Variants in NEMP2 observed in about 807,000 individuals in gnomAD.
The protein encoded by NEMP2 is UPF0571 transmembrane protein.
NEMP2 carries 53 observed loss-of-function variants against 54.2 expected under a neutral mutation model. That is an observed-to-expected ratio of 0.98 (90% CI 0.78 to 1.23). The LOEUF (loss-of-function observed/expected upper bound fraction) is 1.23. Among genes scored for constraint, NEMP2 ranks in the 50% most tolerant of loss-of-function variants. The pLI is 0.00. For missense variants in NEMP2, 455 were observed against 511.3 expected (o/e 0.89, Z 1.06); for synonymous variants, 197 against 190.3 (o/e 1.04, Z -0.29).
the NEMP2 span, among the ~76,000 whole-genome samples, chr2:190,430,869 G>A: frequency 1.3e-5 from 2 of 149,000 alleles, no homozygotes; most frequent in Admixed American, 6.7e-5. Context: ...CCTCCCGGAC[G>A]GGGCGGCTGC....
At chr2:190,425,886 G>A in the NEMP2 span, among the ~76,000 whole-genome samples, 11 of 151,984 alleles carry the variant, frequency 7.2e-5, no homozygotes, top group South Asian at 2.3e-3. The surrounding 1 kb of genome is among the most constrained non-coding windows in gnomAD (Gnocchi z 4.3). Flanking sequence ...AAAAAAAATT[G>A]TGCCACTTCC....
chr2:190,448,984 GTA>G, the NEMP2 span, among the ~76,000 whole-genome samples: 2 of 152,284 alleles, frequency 1.3e-5, no homozygotes, highest in South Asian at 4.1e-4. Flanking sequence ...AGTTATAGCT[GTA>G]TATGTTTTAA....
chr2:190,631,629 T>A, the NEMP2 span, among the ~76,000 whole-genome samples: 3 of 152,244 alleles, frequency 2.0e-5, no homozygotes, highest in African/African-American at 7.2e-5. Flanking sequence ...ATAATATAGA[T>A]CAATACTGTA....
At position 190,534,720 on chromosome 2, in the gene NEMP2, A is replaced by G; in HGVS notation, c.-65T>C. The G allele has an allele frequency of 1.7e-6, 2 of 1,166,678 alleles. No homozygotes were observed. Among genetic ancestry groups the G allele is most frequent in the Non-Finnish European group, 2.2e-6 (2 of 924,738 alleles). The allele number at this position is 1,166,678 out of a possible 1,614,324, so 72.3% of individuals were successfully genotyped here. On this transcript the variant is annotated 5_prime_UTR_variant, in exon 1 of 9. Coordinates refer to ENST00000409150, the MANE Select transcript of NEMP2 (RefSeq NM_001142645.2). ...GACCGGCTCCGCTGCGAGGAGCGGA[A>G]GTGGCGCGGGGGCTCAGAGAAGGCG...
chr2:190,477,603 A>G, the NEMP2 span, among the ~76,000 whole-genome samples: 7 of 152,212 alleles, frequency 4.6e-5, no homozygotes, highest in African/African-American at 1.7e-4. Flanking sequence ...TAATTTATTA[A>G]AGATATATTA....
At chr2:190,616,504 T>C in the NEMP2 span, among the ~76,000 whole-genome samples, 2 of 152,262 alleles carry the variant, frequency 1.3e-5, no homozygotes, top group Non-Finnish European at 2.9e-5. This position sits in a 1 kb window ranked among gnomAD's most constrained non-coding sequence, Gnocchi z 5.1. Flanking sequence ...TCAAGTTGTA[T>C]TTGATTAGAA....
chr2:190,641,921 A>C, the NEMP2 span, among the ~76,000 whole-genome samples: 6 of 152,356 alleles, frequency 3.9e-5, no homozygotes, highest in African/African-American at 1.4e-4. Flanking sequence ...TCTCTTAAGA[A>C]AGTCTTTTCA....
the NEMP2 span, among the ~76,000 whole-genome samples, chr2:190,584,911 GAAAGAAAGAAAGAAAGA>G: frequency 4.9e-5 from 2 of 40,996 alleles, no homozygotes; most frequent in Non-Finnish European, 1.3e-4. The surrounding 1 kb of genome is among the most constrained non-coding windows in gnomAD (Gnocchi z 4.2). Flanking sequence ...AAGAAAGAAA[GAAAGAAAGAAAGAAAGA>G]AAGAAAGAAA....
At chr2:190,599,163 A>G in the NEMP2 span, among the ~76,000 whole-genome samples, 10 of 152,246 alleles carry the variant, frequency 6.6e-5, no homozygotes, top group Non-Finnish European at 1.5e-4. Flanking sequence ...TGCAAAAGTT[A>G]TCAGTTTCTC....
At chr2:190,592,669 A>G in the NEMP2 span, among the ~76,000 whole-genome samples, 2 of 152,084 alleles carry the variant, frequency 1.3e-5, no homozygotes, top group Admixed American at 6.6e-5. The surrounding 1 kb of genome is among the most constrained non-coding windows in gnomAD (Gnocchi z 4.4). Flanking sequence ...TATGTTGTGT[A>G]TGTTACCCTC....
chr2:190,527,605 G>T lies in NEMP2; in HGVS notation c.98-2227C>A, dbSNP rs1690985128. 6.6e-6 allele frequency among the ~76,000 whole-genome samples: 1 copy of T among 152,138 alleles called. No homozygotes were observed. The highest frequency in any genetic ancestry group is 2.4e-5 in the African/African-American group (1 of 41,402). On this transcript the variant is annotated intron_variant, in intron 1 of 8. Transcript: ENST00000409150. This position sits in a 1 kb window ranked among gnomAD's most constrained non-coding sequence, Gnocchi z 4.0. ...TCCAAGATGCAAATACAAGAATCCA[G>T]GTGAAAAGCCAGTAAAAACCACAAG... is the stretch of plus-strand genomic sequence containing the variant.
At chr2:190,540,509 A>G in the NEMP2 span, among the ~76,000 whole-genome samples, 9 of 152,002 alleles carry the variant, frequency 5.9e-5, no homozygotes, top group Admixed American at 2.0e-4. Context: ...AGGCTCCTTG[A>G]GTTACTCCTG....
At chr2:190,565,425 A>G in the NEMP2 span, among the ~76,000 whole-genome samples, 15 of 152,350 alleles carry the variant, frequency 9.8e-5, no homozygotes, top group East Asian at 2.9e-3. Context: ...TTAATGGGTC[A>G]TAACCAACAT....
At chr2:190,457,363 T>C in the NEMP2 span, among the ~76,000 whole-genome samples, 1 of 152,172 alleles carries the variant, frequency 6.6e-6, no homozygotes, top group Non-Finnish European at 1.5e-5. This position sits in a 1 kb window ranked among gnomAD's most constrained non-coding sequence, Gnocchi z 5.1. Context: ...TGGCTGGTTT[T>C]AGTATGTGAA....
At chr2:190,432,609 G>A in the NEMP2 span, among the ~76,000 whole-genome samples, 9 of 152,068 alleles carry the variant, frequency 5.9e-5, no homozygotes, top group Non-Finnish European at 1.3e-4. Flanking sequence ...TAGAGACAGG[G>A]TTTTGCCAAG....
At chr2:190,554,530 A>G in the NEMP2 span, among the ~76,000 whole-genome samples, 58 of 152,332 alleles carry the variant, frequency 3.8e-4, no homozygotes, top group African/African-American at 1.3e-3. The surrounding 1 kb of genome is among the most constrained non-coding windows in gnomAD (Gnocchi z 5.7). Flanking sequence ...AGTGTAAACA[A>G]AGCCACCAGG....
At chr2:190,581,226 C>T in the NEMP2 span, among the ~76,000 whole-genome samples, 1 of 152,168 alleles carries the variant, frequency 6.6e-6, no homozygotes, top group Non-Finnish European at 1.5e-5. Context: ...ATATAATCAA[C>T]ATTTCCCACT....
chr2:190,541,706 A>G, the NEMP2 span, among the ~76,000 whole-genome samples: 2 of 152,062 alleles, frequency 1.3e-5, no homozygotes, highest in African/African-American at 2.4e-5. The surrounding 1 kb of genome is among the most constrained non-coding windows in gnomAD (Gnocchi z 5.2). Context: ...AATATTTTCT[A>G]TTTGCAACTT....
At chr2:190,594,828 G>A in the NEMP2 span, among the ~76,000 whole-genome samples, 15 of 152,246 alleles carry the variant, frequency 9.9e-5, no homozygotes, top group Middle Eastern at 6.8e-3. The surrounding 1 kb of genome is among the most constrained non-coding windows in gnomAD (Gnocchi z 5.6). Context: ...TAAACATTTT[G>A]TGCTTAATTA....
Sources: allele counts gnomAD v4.1 joint callset (sites outside exome capture counted in the v4.1 genomes callset), GRCh38; gene constraint gnomAD v4.1.1; non-coding constraint Gnocchi (gnomAD v3.1); transcripts MANE v1.5; gene names NCBI Gene and HGNC (gene_info 2026-07-23, HGNC 2026-07-21).